The following KCNK12 variants were observed in gnomAD, a reference collection of about 807,000 sequenced individuals.
KCNK12 encodes the protein potassium channel subfamily K member 12.
KCNK12 carries 6 observed loss-of-function variants against 25.3 expected under a neutral mutation model. That is an observed-to-expected ratio of 0.24 (90% CI 0.13 to 0.47). The LOEUF (loss-of-function observed/expected upper bound fraction) is 0.47, where lower values mean the gene tolerates loss of function less well. Among genes scored for constraint, KCNK12 ranks in the 20% least tolerant of loss-of-function variants. The pLI is 0.99. For synonymous variants in KCNK12, 331 were observed against 311.1 expected (o/e 1.06, Z -0.67); for missense variants, 444 against 661.7 (o/e 0.67, Z 3.61).
chr2:47,539,022 A>T (rs1034694067), intron 1 of KCNK12, among the ~76,000 whole-genome samples: 1 of 152,242 alleles, frequency 6.6e-6, no homozygotes, highest in African/African-American at 2.4e-5. Context: ...TTTTAAAAGG[A>T]AATTCGATGA....
rs1668372519 is a variant in KCNK12 at position 47,510,414 on chromosome 2, A to G, written c.*10493T>C. 1 of 152,202 alleles carries G rather than the reference A, an allele frequency of 6.6e-6. No individual in the cohort carries two copies. The highest frequency in any genetic ancestry group is 2.1e-4 in the South Asian group (1 of 4,832). The allele number at this position is 152,202 out of a possible 1,614,324, so 9.4% of individuals were successfully genotyped here. A position where few individuals can be genotyped will look rare whatever the true frequency, so the allele number is the denominator to read the frequency against. ...AGTTGAATGCTTTCATAACTGATAC[A>G]GGAGGGACCCTGTGATTGGCAGTTC... On this transcript the variant is annotated 3_prime_UTR_variant, in exon 2 of 2. Coordinates refer to ENST00000327876, the MANE Select transcript of KCNK12 (RefSeq NM_022055.2).
chr2:47,535,789 G>A (rs998866237), intron 1 of KCNK12, among the ~76,000 whole-genome samples: 1 of 152,124 alleles, frequency 6.6e-6, no homozygotes, highest in African/African-American at 2.4e-5. Flanking sequence ...TCCCTGAGAT[G>A]AGCATTCAAT....
chr2:47,553,385 A>T (rs1669480659), intron 1 of KCNK12, among the ~76,000 whole-genome samples: 1 of 152,156 alleles, frequency 6.6e-6, no homozygotes, highest in South Asian at 2.1e-4. Flanking sequence ...TCACTGATAG[A>T]GATATATAAG....
At position 47,518,386 on chromosome 2, in the gene KCNK12, A is replaced by G. The variant is rs7601062; in HGVS notation, c.*2521T>C. ...TCTCATTTTCCTGCCCCTTGAAACCATGCTTACCATTCCTTTAGAAGATTG... is the reference window on the plus strand; with the variant it reads ...TCTCATTTTCCTGCCCCTTGAAACCGTGCTTACCATTCCTTTAGAAGATTG... On this transcript the variant is annotated 3_prime_UTR_variant, in exon 2 of 2. Transcript: ENST00000327876. This position sits in a 1 kb window ranked among gnomAD's most constrained non-coding sequence, Gnocchi z 4.1. 0.49 allele frequency: 73,852 copies of G among 152,080 alleles called. 19,459 individuals are homozygous for G. The highest frequency in any genetic ancestry group is 0.68 in the East Asian group (3,512 of 5,164). 9.4% of individuals were successfully genotyped at this position (152,080 alleles called of 1,614,324 possible).
At position 47,515,854 on chromosome 2, in the gene KCNK12, A is replaced by C. The variant is rs1183759570; in HGVS notation, c.*5053T>G. ...ACCCAGGCAAAAGCAATCTGCTGGA[A>C]GAACTTCATCCCCAGCTGACACTGT... On this transcript the variant is annotated 3_prime_UTR_variant, in exon 2 of 2. Transcript: ENST00000327876. Among the ~76,000 whole-genome samples the C allele has an allele frequency of 6.6e-6, 1 of 152,258 alleles. No homozygotes were observed. The highest frequency in any genetic ancestry group is 2.4e-5 in the African/African-American group (1 of 41,468).
Position 47,570,679 on chromosome 2 carries a change from C to T in KCNK12, c.-348G>A. 6.3e-6 allele frequency: 1 copy of T among 157,508 alleles called. No homozygotes were observed. The highest frequency in any genetic ancestry group is 1.4e-5 in the Non-Finnish European group (1 of 71,982). The allele number at this position is 157,508 out of a possible 1,614,324, so 9.8% of individuals were successfully genotyped here. On this transcript the variant is annotated 5_prime_UTR_variant, in exon 1 of 2. Transcript: ENST00000327876. Reference sequence around the variant, plus strand: ...CCCCTGCCGCCCGGTGGCCGGCGTCCGCGGGGCCCCGGGCCTCATACTCCT... The same window carrying T: ...CCCCTGCCGCCCGGTGGCCGGCGTCTGCGGGGCCCCGGGCCTCATACTCCT...
At chr2:47,535,877 C>A (rs569205423) in intron 1 of KCNK12, among the ~76,000 whole-genome samples, 1 of 152,094 alleles carries the variant, frequency 6.6e-6, no homozygotes, top group Non-Finnish European at 1.5e-5. Flanking sequence ...AGACCCTGTG[C>A]GATAGAAGGA....
chr2:47,552,222 C>T (rs2104852401), intron 1 of KCNK12, among the ~76,000 whole-genome samples: 1 of 152,332 alleles, frequency 6.6e-6, no homozygotes, highest in Non-Finnish European at 1.5e-5. Flanking sequence ...CATTGCCACA[C>T]ACCAACCTCT....
At position 47,551,255 on chromosome 2, in the gene KCNK12, G is replaced by A. The variant is rs577300194; in HGVS notation, c.391+18686C>T. Reference sequence around the variant, plus strand: ...CTCCTCCTAAGGGACCCTGGCACTGGCTGGAGCCCTCTTCCTCCAGGCAGC... The same window carrying A: ...CTCCTCCTAAGGGACCCTGGCACTGACTGGAGCCCTCTTCCTCCAGGCAGC... On this transcript the variant is annotated intron_variant, in intron 1 of 1. Transcript: ENST00000327876. This position sits in a 1 kb window ranked among gnomAD's most constrained non-coding sequence, Gnocchi z 5.3. Among the ~76,000 whole-genome samples, 66 of 152,112 alleles carry A rather than the reference G, an allele frequency of 4.3e-4. No homozygotes were observed. The highest frequency in any genetic ancestry group is 1.5e-3 in the African/African-American group (63 of 41,526).
intron 1 of KCNK12, chr2:47,543,842 C>T (rs1669253857): frequency 6.6e-6 from 1 of 152,202 alleles, no homozygotes; most frequent in Non-Finnish European, 1.5e-5. Flanking sequence ...CTTTGTTTCC[C>T]ATCCTTCTGC....
rs1669133847 is a variant in KCNK12 at position 47,538,876 on chromosome 2, G to A, written c.392-17068C>T. Among the ~76,000 whole-genome samples, 2 of 152,202 alleles carry A rather than the reference G, an allele frequency of 1.3e-5. No individual in the cohort carries two copies. The highest frequency in any genetic ancestry group is 2.1e-4 in the South Asian group (1 of 4,824). On this transcript the variant is annotated intron_variant, in intron 1 of 1. Transcript: ENST00000327876. This position sits in a 1 kb window ranked among gnomAD's most constrained non-coding sequence, Gnocchi z 4.5. ...CATGACTTTCATTTGATTTTAATGT[G>A]AGGGAGAAACATAAACTAGTAGTTT... is the stretch of plus-strand genomic sequence containing the variant.
intron 1 of KCNK12, among the ~76,000 whole-genome samples, chr2:47,552,334 T>G (rs1275584048): frequency 6.6e-6 from 1 of 152,150 alleles, no homozygotes; most frequent in Non-Finnish European, 1.5e-5. Flanking sequence ...GCTGCCCTGC[T>G]GAGCCCAGCT....
At position 47,570,308 on chromosome 2, in the gene KCNK12, G is replaced by A; in HGVS notation, c.24C>T (p.Pro8=). The change falls in exon 1 of 2, where the codon CCC becomes CCT. Residue 8 remains proline (P), a synonymous_variant. Transcript: ENST00000327876. MSSRSPR[P]PPRRSRRRLP... Reference sequence around the variant, plus strand: ...GGCGGCGGCGGCTACGGCGGGGCGGGGGCCGGGGGCTGCGGGAGGACATGG... The same window carrying A: ...GGCGGCGGCGGCTACGGCGGGGCGGAGGCCGGGGGCTGCGGGAGGACATGG... 5 of 1,343,308 alleles carry A rather than the reference G, an allele frequency of 3.7e-6. No homozygotes were observed. The highest frequency in any genetic ancestry group is 4.8e-6 in the Non-Finnish European group (5 of 1,050,650). The allele number at this position is 1,343,308 out of a possible 1,614,324, so 83.2% of individuals were successfully genotyped here. A position where few individuals can be genotyped will look rare whatever the true frequency, so the allele number is the denominator to read the frequency against.
At chr2:47,542,076 A>G (rs1669212762) in intron 1 of KCNK12, among the ~76,000 whole-genome samples, 1 of 152,162 alleles carries the variant, frequency 6.6e-6, no homozygotes, top group Non-Finnish European at 1.5e-5. Flanking sequence ...TATCCTGCTA[A>G]CTGCAGGGGA....
rs1668610193 is a variant in KCNK12, at chr2:47,519,852, C to T, written c.*1055G>A. ...GGCTTCTTTTGGGTTCCTGGTGCTG[C>T]AGGCCCTGGTTCCCAAGGACGCAGC... On this transcript the variant is annotated 3_prime_UTR_variant, in exon 2 of 2. Transcript: ENST00000327876. 1 of 152,254 alleles carries T rather than the reference C, an allele frequency of 6.6e-6. No individual in the cohort carries two copies. The highest frequency in any genetic ancestry group is 1.9e-4 in the East Asian group (1 of 5,192). The allele number at this position is 152,254 out of a possible 1,614,324, so 9.4% of individuals were successfully genotyped here.
At chr2:47,535,834 G>A (rs1333229249) in intron 1 of KCNK12, among the ~76,000 whole-genome samples, 1 of 152,132 alleles carries the variant, frequency 6.6e-6, no homozygotes, top group African/African-American at 2.4e-5. Context: ...TGGCCAAAAC[G>A]CCTGCCCTGG....
At chr2:47,523,813 G>A (rs971894688) in intron 1 of KCNK12, among the ~76,000 whole-genome samples, 4 of 152,242 alleles carry the variant, frequency 2.6e-5, no homozygotes, top group African/African-American at 7.2e-5. Flanking sequence ...GCGATCAGGG[G>A]CATCCCTGTT....
chr2:47,530,237 C>T (rs1668888286), intron 1 of KCNK12, among the ~76,000 whole-genome samples: 1 of 152,188 alleles, frequency 6.6e-6, no homozygotes, highest in South Asian at 2.1e-4. Context: ...CTGCCAACAG[C>T]CTGCTCCGTG....
In KCNK12 at chr2:47,562,536, T is replaced by A. The variant is rs1266158755; in HGVS notation, c.391+7405A>T. On this transcript the variant is annotated intron_variant, in intron 1 of 1. Coordinates refer to ENST00000327876, the MANE Select transcript of KCNK12 (RefSeq NM_022055.2). The surrounding 1 kb of genome is among the most constrained non-coding windows in gnomAD (Gnocchi z 4.8). Reference sequence around the variant, plus strand: ...CACTCACAAGACAGAGTCCGGAGCATTCTCCACCACAGCCAGTGGCCACTT... The same window carrying A: ...CACTCACAAGACAGAGTCCGGAGCAATCTCCACCACAGCCAGTGGCCACTT... The A allele has an allele frequency of 4.2e-6, 1 of 235,508 alleles. No individual in the cohort carries two copies. Among genetic ancestry groups the A allele is most frequent in the Non-Finnish European group, 8.3e-6 (1 of 119,826 alleles). 14.6% of individuals were successfully genotyped at this position (235,508 alleles called of 1,614,324 possible). A position where few individuals can be genotyped will look rare whatever the true frequency, so the allele number is the denominator to read the frequency against.
Sources: allele counts gnomAD v4.1 joint callset (sites outside exome capture counted in the v4.1 genomes callset), GRCh38; gene constraint gnomAD v4.1.1; non-coding constraint Gnocchi (gnomAD v3.1); transcripts MANE v1.5; gene names NCBI Gene and HGNC (gene_info 2026-07-23, HGNC 2026-07-21).